The following KIAA1328 variants were observed in gnomAD, a reference collection of about 807,000 sequenced individuals.
KIAA1328 encodes protein hinderin.
In KIAA1328, 52 loss-of-function variants were observed where a neutral mutation model predicts 68.1. The observed-to-expected ratio is 0.76, with a 90% CI of 0.61 to 0.96. The LOEUF (loss-of-function observed/expected upper bound fraction) is 0.96, where lower values mean the gene tolerates loss of function less well. Ranked by LOEUF, KIAA1328 falls within the 40% of genes least tolerant of loss-of-function variation. The pLI is 0.00. For missense variants in KIAA1328, 641 were observed against 677.6 expected, an observed-to-expected ratio of 0.95 and a Z score of 0.60; for synonymous variants, 232 against 239.4, an observed-to-expected ratio of 0.97 and a Z score of 0.28.
chr18:37,079,666 T>A (rs1358089006), intron 7 of KIAA1328, among the ~76,000 whole-genome samples: 1 of 151,788 alleles, frequency 6.6e-6, no homozygotes, highest in African/African-American at 2.4e-5. Context: ...AGGTGGTGGA[T>A]CACCTGGGAT....
chr18:37,142,659 C>G (rs2058794624), intron 7 of KIAA1328, among the ~76,000 whole-genome samples: 1 of 152,244 alleles, frequency 6.6e-6, no homozygotes, highest in East Asian at 1.9e-4. Context: ...GATTTATGGA[C>G]TTCTGTTTCA....
intron 4 of KIAA1328, among the ~76,000 whole-genome samples, chr18:36,855,998 A>G (rs1003297277): frequency 6.6e-5 from 10 of 151,852 alleles, no homozygotes; most frequent in Non-Finnish European, 4.4e-5. Flanking sequence ...TCAGGATTTA[A>G]AATATGTCAT....
chr18:37,027,841 T>C (rs1294870650), intron 6 of KIAA1328, among the ~76,000 whole-genome samples: 1 of 151,976 alleles, frequency 6.6e-6, no homozygotes, highest in Non-Finnish European at 1.5e-5. Flanking sequence ...CCAAAAGCAA[T>C]GGCAACAAAA....
intron 9 of KIAA1328, among the ~76,000 whole-genome samples, chr18:37,184,605 G>A (rs2059759866): frequency 6.6e-6 from 1 of 152,144 alleles, no homozygotes; most frequent in South Asian, 2.1e-4. Flanking sequence ...CCGAAGATCT[G>A]GATTTATCCT....
intron 4 of KIAA1328, among the ~76,000 whole-genome samples, chr18:36,875,297 GA>G (rs767795390): frequency 1.3e-5 from 2 of 151,908 alleles, no homozygotes; most frequent in Non-Finnish European, 2.9e-5. Context: ...TTCTATCTTT[GA>G]GCATGGAATG....
rs1256405640 is a variant in KIAA1328, at chr18:36,959,912, G to A, written c.576+477G>A. Among the ~76,000 whole-genome samples the A allele has an allele frequency of 2.0e-5, 3 of 152,174 alleles. No homozygotes were observed. The East Asian group carries it at 5.8e-4, about 29-fold the overall frequency. On this transcript the variant is annotated intron_variant, in intron 6 of 9. Transcript: ENST00000280020. ...ATATATTAATCACATAAGTATGTAGGAGAGTATTTATATAAGCGTTTGTAC... is the reference window on the plus strand; with the variant it reads ...ATATATTAATCACATAAGTATGTAGAAGAGTATTTATATAAGCGTTTGTAC...
intron 7 of KIAA1328, among the ~76,000 whole-genome samples, chr18:37,068,221 T>C (rs926670037): frequency 5.9e-5 from 9 of 152,154 alleles, no homozygotes; most frequent in African/African-American, 2.2e-4. Context: ...TGGAATTAGA[T>C]TGTAAAGCAG....
rs962943854 is a variant in KIAA1328 at position 36,868,209 on chromosome 18, A to G, written c.333-17348A>G. Reference sequence around the variant, plus strand: ...TATTTAGCTTGTAGAAGAGAGTGCTAAGGGATGAGTTGATATATGGGTTTA... The same window carrying G: ...TATTTAGCTTGTAGAAGAGAGTGCTGAGGGATGAGTTGATATATGGGTTTA... On this transcript the variant is annotated intron_variant, in intron 4 of 9. Coordinates refer to ENST00000280020, the MANE Select transcript of KIAA1328 (RefSeq NM_020776.3). 3.9e-5 allele frequency among the ~76,000 whole-genome samples: 6 copies of G among 152,174 alleles called. No homozygotes were observed. The East Asian group carries it at 1.2e-3, about 29-fold the overall frequency.
intron 6 of KIAA1328, among the ~76,000 whole-genome samples, chr18:37,024,587 C>G (rs2054489994): frequency 6.9e-6 from 1 of 144,094 alleles, no homozygotes; most frequent in Non-Finnish European, 1.5e-5. Flanking sequence ...TCCAAGTGTT[C>G]TTATTGTTCA....
At chr18:37,142,956 T>G (rs1699045) in intron 7 of KIAA1328, among the ~76,000 whole-genome samples, 7 of 142,322 alleles carry the variant, frequency 4.9e-5, no homozygotes, top group Non-Finnish European at 9.2e-5. Context: ...TTTTTTTTTG[T>G]TTTTTTTTTG....
rs2060598120 is a variant in KIAA1328 at position 37,223,346 on chromosome 18, T to C, written c.*1119T>C. ...ACCCAGAGAAAGCCTATGGAAGTTATGCAGTGCAGACCTCATCCTGTCTGC... is the reference window on the plus strand; with the variant it reads ...ACCCAGAGAAAGCCTATGGAAGTTACGCAGTGCAGACCTCATCCTGTCTGC... On this transcript the variant is annotated 3_prime_UTR_variant, in exon 10 of 10. Coordinates refer to ENST00000280020, the MANE Select transcript of KIAA1328 (RefSeq NM_020776.3). The C allele has an allele frequency of 1.0e-6, 1 of 985,418 alleles. No individual in the cohort carries two copies. Among genetic ancestry groups the C allele is most frequent in the Non-Finnish European group, 1.2e-6 (1 of 829,970 alleles). The allele number at this position is 985,418 out of a possible 1,614,324, so 61.0% of individuals were successfully genotyped here.
chr18:37,096,802 AT>A (rs2057423237), intron 7 of KIAA1328, among the ~76,000 whole-genome samples: 1 of 152,004 alleles, frequency 6.6e-6, no homozygotes, highest in Non-Finnish European at 1.5e-5. Flanking sequence ...TGTGGTTTTG[AT>A]TTGCATTTCT....
At chr18:36,933,473 C>G (rs1163928392) in intron 5 of KIAA1328, among the ~76,000 whole-genome samples, 2 of 152,222 alleles carry the variant, frequency 1.3e-5, no homozygotes, top group Non-Finnish European at 2.9e-5. Flanking sequence ...ATTTCTCAGA[C>G]CAGCCCTGCA....
At chr18:36,919,323 A>G (rs921490325) in intron 5 of KIAA1328, among the ~76,000 whole-genome samples, 1 of 152,134 alleles carries the variant, frequency 6.6e-6, no homozygotes, top group African/African-American at 2.4e-5. Flanking sequence ...TGTATCTCTT[A>G]TAGACAGCAT....
chr18:37,140,407 A>G (rs1458193955), intron 7 of KIAA1328, among the ~76,000 whole-genome samples: 1 of 152,172 alleles, frequency 6.6e-6, no homozygotes, highest in Non-Finnish European at 1.5e-5. Context: ...TATGGTATTC[A>G]ATTGGTCCTG....
At chr18:37,195,316 T>G (rs1169947683) in intron 9 of KIAA1328, among the ~76,000 whole-genome samples, 6 of 152,206 alleles carry the variant, frequency 3.9e-5, no homozygotes. Context: ...CTCTTTAGTG[T>G]TATATAATTA....
intron 6 of KIAA1328, among the ~76,000 whole-genome samples, chr18:36,962,530 A>G (rs1451540481): frequency 6.6e-6 from 1 of 152,210 alleles, no homozygotes; most frequent in Non-Finnish European, 1.5e-5. Context: ...TCTTCTCAGC[A>G]CCACATCATG....
At chr18:36,930,402 CATT>C (rs1279172721) in intron 5 of KIAA1328, among the ~76,000 whole-genome samples, 2 of 152,102 alleles carry the variant, frequency 1.3e-5, no homozygotes, top group African/African-American at 4.8e-5. Flanking sequence ...ATCTGGCTCT[CATT>C]GTTACCGTGG....
At chr18:36,876,694 T>C (rs1277850369) in intron 4 of KIAA1328, among the ~76,000 whole-genome samples, 4 of 152,204 alleles carry the variant, frequency 2.6e-5, no homozygotes, top group Admixed American at 2.0e-4. Context: ...GCTCTGATCT[T>C]AGTTATTTCT....
Sources: gnomAD v4.1 joint callset for allele counts (sites outside exome capture counted in the v4.1 genomes callset) on GRCh38, gnomAD v4.1.1 for gene constraint, MANE v1.5 for transcripts, NCBI Gene and HGNC (gene_info 2026-07-23, HGNC 2026-07-21) for gene names.